KIF4A: variants seen among roughly 807,000 people sequenced by gnomAD.
KIF4A encodes the protein kinesin family member 4A, also known as chromosome-associated kinesin KIF4A.
A neutral mutation model predicts 105.9 loss-of-function variants in KIF4A; 7 were observed. The observed-to-expected ratio is 0.07, with a 90% CI of 0.04 to 0.12. The LOEUF (loss-of-function observed/expected upper bound fraction) is 0.12, where lower values mean the gene tolerates loss of function less well. KIF4A is among the 10% of genes least tolerant of loss of function. The pLI is 1.00. For synonymous variants in KIF4A, 281 were observed against 331.3 expected (o/e 0.85, Z 1.65); for missense variants, 558 against 929.2 (o/e 0.60, Z 5.19).
chrX:70,363,307 A>G (rs1209769476), intron 15 of KIF4A, among the ~76,000 whole-genome samples: 1 of 110,218 alleles, frequency 9.1e-6, no homozygotes, highest in African/African-American at 3.3e-5. Flanking sequence ...GCTTTGTTAC[A>G]TATGTATACA....
At chrX:70,309,041 A>G in intron 7 of KIF4A, among the ~76,000 whole-genome samples, 1 of 112,358 alleles carries the variant, frequency 8.9e-6, no homozygotes, top group African/African-American at 3.2e-5. Flanking sequence ...ATTTCTGGCT[A>G]TTGGAAATTG....
intron 7 of KIF4A, among the ~76,000 whole-genome samples, chrX:70,321,998 C>T (rs1412349814): frequency 9.1e-6 from 1 of 110,337 alleles, no homozygotes; most frequent in Non-Finnish European, 1.9e-5. Flanking sequence ...TCTCCTCTTC[C>T]ACTCACCCCT....
chrX:70,306,405 T>C (rs1238428327), intron 7 of KIF4A, among the ~76,000 whole-genome samples: 4 of 112,652 alleles, frequency 3.6e-5, no homozygotes, highest in Non-Finnish European at 5.6e-5. Context: ...TGGGATTTTA[T>C]AGAGATTTCG....
intron 13 of KIF4A, among the ~76,000 whole-genome samples, chrX:70,349,087 G>A (rs1211016250): frequency 8.2e-5 from 8 of 97,804 alleles, no homozygotes; most frequent in African/African-American, 2.7e-4. Context: ...CAGAGGGGGC[G>A]GCCGGGCAGA....
Position 70,419,673 on chromosome X carries a change from A to G in KIF4A, c.3385A>G (p.Thr1129Ala). The change falls in exon 30 of 31, where the codon ACT (threonine) becomes GCT (alanine). Residue 1129 changes from threonine (T) to alanine (A), a missense_variant. By Grantham distance (58) the Thr-to-Ala change is moderately conservative (BLOSUM62 0). Transcript: ENST00000374403. ...NRQQGKDSLG[T>A]VERTQDSEGS... ...GCTTGATTTTCAGGATAGCTTGGGC[A>G]CTGTTGAACGGACCCAGGATTCCGA... The G allele has an allele frequency of 8.3e-7, 1 of 1,209,944 alleles. No homozygotes were observed. Among genetic ancestry groups the G allele is most frequent in the Admixed American group, 2.2e-5 (1 of 45,890 alleles).
intron 15 of KIF4A, 38 bp downstream of exon 15, chrX:70,353,845 C>T (rs2086041038): frequency 9.6e-7 from 1 of 1,042,323 alleles, no homozygotes; most frequent in African/African-American, 1.9e-5. Flanking sequence ...TTCATGTCTA[C>T]AGTCTCTTAA....
intron 7 of KIF4A, among the ~76,000 whole-genome samples, chrX:70,324,774 A>G (rs2085904366): frequency 9.0e-6 from 1 of 111,647 alleles, no homozygotes; most frequent in African/African-American, 3.3e-5. Context: ...ATGAGTAACA[A>G]AGTAATACTT....
intron 22 of KIF4A, among the ~76,000 whole-genome samples, chrX:70,401,500 A>G (rs1486758485): frequency 2.8e-5 from 3 of 107,752 alleles, no homozygotes; most frequent in Non-Finnish European, 5.8e-5. Flanking sequence ...TCCCGGGTTC[A>G]AGTGATTTTC....
chrX:70,335,974 C>T (rs1003470963), intron 10 of KIF4A, among the ~76,000 whole-genome samples: 1 of 112,132 alleles, frequency 8.9e-6, no homozygotes, highest in African/African-American at 3.2e-5. Flanking sequence ...ATTCTCGCTA[C>T]GCCTGTATTT....
chrX:70,363,825 C>G lies in KIF4A; in HGVS notation c.1674+10018C>G, dbSNP rs754509385. On this transcript the variant is annotated intron_variant, in intron 15 of 30. Transcript: ENST00000374403. The stretch of plus-strand genomic sequence containing the variant: ...CCCTGAGGAATCGCCACACTGACTT[C>G]CACAATGGTTGAACTAGTTTCCAGT... Among the ~76,000 whole-genome samples the G allele has an allele frequency of 4.5e-5, 5 of 112,146 alleles. No homozygotes were observed. The East Asian group carries it at 1.4e-3, about 31-fold the overall frequency.
rs1797364203 is a variant in KIF4A, at chrX:70,330,092, G to A, written c.896-65G>A. The A allele has an allele frequency of 3.0e-6, 3 of 998,620 alleles. No individual in the cohort carries two copies. The South Asian group carries it at 8.1e-5, about 27-fold the overall frequency. 82.3% of individuals were successfully genotyped at this position (998,620 alleles called of 1,213,427 possible). ...TTTAAGTCACCAACCCGAATGGACG[G>A]CTTTGCTTATATCCTACTTGTTTGA... On this transcript the variant is annotated intron_variant, in intron 8 of 30. Transcript: ENST00000374403.
At chrX:70,305,325 A>G (rs1377808891) in intron 7 of KIF4A, among the ~76,000 whole-genome samples, 2 of 111,784 alleles carry the variant, frequency 1.8e-5, no homozygotes, top group South Asian at 3.8e-4. Context: ...ATCCATACCC[A>G]TTAGCATTCA....
rs772933660 is a variant in KIF4A at position 70,394,876 on chromosome X, C to A, written c.2233-795C>A. On this transcript the variant is annotated intron_variant, in intron 20 of 30. Transcript: ENST00000374403. ...TCTGATTCTAATATAATCACTCTGG[C>A]TTTCTTTTGATTACTATTAGCATGG... Among the ~76,000 whole-genome samples, 54 of 112,000 alleles carry A rather than the reference C, an allele frequency of 4.8e-4. 1 individual carries two copies. The highest frequency in any genetic ancestry group is 1.7e-3 in the African/African-American group (53 of 30,915).
At chrX:70,387,871 GA>G (rs1413334924) in intron 20 of KIF4A, among the ~76,000 whole-genome samples, 7 of 110,702 alleles carry the variant, frequency 6.3e-5, no homozygotes, top group Non-Finnish European at 7.6e-5. Context: ...GTCTCAAAAA[GA>G]AAAAAAAGTA....
chrX:70,395,623 C>CTAG, intron 20 of KIF4A, 48 bp from the exon 21 acceptor site: 1 of 1,192,874 alleles, frequency 8.4e-7, no homozygotes, highest in Non-Finnish European at 1.1e-6. Flanking sequence ...AGCCCATGAG[C>CTAG]TAGTGATTCC....
chrX:70,307,819 C>A (rs1429871348), intron 7 of KIF4A, among the ~76,000 whole-genome samples: 1 of 112,206 alleles, frequency 8.9e-6, no homozygotes, highest in African/African-American at 3.2e-5. Flanking sequence ...TGGACTGATT[C>A]TGTAAACTGG....
At chrX:70,375,700 A>G (rs2086172202) in intron 17 of KIF4A, among the ~76,000 whole-genome samples, 1 of 111,853 alleles carries the variant, frequency 8.9e-6, no homozygotes, top group Non-Finnish European at 1.9e-5. Flanking sequence ...GAAAATTCTC[A>G]GTTATTGAAT....
chrX:70,373,522 A>G lies in KIF4A; in HGVS notation c.1675-629A>G, dbSNP rs1289941513. ...AACATATATATATACATGTGTGTGT[A>G]TGTATATATATATATATATATATAT... On this transcript the variant is annotated intron_variant, in intron 15 of 30. Coordinates refer to ENST00000374403, the MANE Select transcript of KIF4A (RefSeq NM_012310.5). Among the ~76,000 whole-genome samples the G allele has an allele frequency of 7.0e-3, 37 of 5,262 alleles. 3 individuals carry two copies. Among genetic ancestry groups the G allele is most frequent in the South Asian group, 0.065 (7 of 108 alleles). 4.6% of individuals were successfully genotyped at this position (5,262 alleles called of 115,157 possible).
At chrX:70,349,846 C>G (rs1377228692) in intron 13 of KIF4A, among the ~76,000 whole-genome samples, 2 of 89,978 alleles carry the variant, frequency 2.2e-5, no homozygotes, top group Admixed American at 1.2e-4. Flanking sequence ...ACTTCCCAGA[C>G]GGGGTGGCAG....
Sources: allele counts gnomAD v4.1 joint callset (sites outside exome capture counted in the v4.1 genomes callset), GRCh38; gene constraint gnomAD v4.1.1; transcripts MANE v1.5; gene names NCBI Gene and HGNC (gene_info 2026-07-23, HGNC 2026-07-21).